ARHGAP22: variants seen among roughly 807,000 people sequenced by gnomAD.
ARHGAP22 encodes the protein Rho GTPase activating protein 22.
In ARHGAP22, 48 loss-of-function variants were observed where a neutral mutation model predicts 59.1. That is an observed-to-expected ratio of 0.81 (90% confidence interval 0.64 to 1.03). ARHGAP22 has a LOEUF of 1.03. Ranked by LOEUF, ARHGAP22 falls within the 50% of genes least tolerant of loss-of-function variation. ARHGAP22 has a pLI of 0.00. For missense variants in ARHGAP22, 1,015 were observed against 958.7 expected (o/e 1.06, Z -0.78); for synonymous variants, 445 against 416.4 (o/e 1.07, Z -0.84).
At chr10:48,582,404 T>A (rs2059171925) in intron 2 of ARHGAP22, among the ~76,000 whole-genome samples, 1 of 152,214 alleles carries the variant, frequency 6.6e-6, no homozygotes, top group East Asian at 1.9e-4. Flanking sequence ...GTGACGAGGC[T>A]ATACTGTGAT....
chr10:48,449,622 C>T (rs748016972), intron 9 of ARHGAP22, among the ~76,000 whole-genome samples: 1 of 152,232 alleles, frequency 6.6e-6, no homozygotes, highest in Non-Finnish European at 1.5e-5. Flanking sequence ...CTGAGGGAAA[C>T]GCCCTGCGCT....
intron 1 of ARHGAP22, among the ~76,000 whole-genome samples, chr10:48,593,454 A>G (rs2059887078): frequency 6.6e-6 from 1 of 152,216 alleles, no homozygotes; most frequent in Non-Finnish European, 1.5e-5. Flanking sequence ...TCCTATACAT[A>G]CATATCTATG....
At chr10:48,578,380 T>C (rs1442425233) in intron 2 of ARHGAP22, among the ~76,000 whole-genome samples, 1 of 152,182 alleles carries the variant, frequency 6.6e-6, no homozygotes, top group East Asian at 1.9e-4. Flanking sequence ...GTTGTGCTTG[T>C]GCCTTTAAAA....
At chr10:48,501,524 C>A (rs2051523175) in intron 3 of ARHGAP22, among the ~76,000 whole-genome samples, 1 of 152,134 alleles carries the variant, frequency 6.6e-6, no homozygotes. Flanking sequence ...AGTGGGCAGA[C>A]CTTCGAGCTG....
At chr10:48,550,363 A>G (rs145733087) in intron 3 of ARHGAP22, among the ~76,000 whole-genome samples, 1 of 152,338 alleles carries the variant, frequency 6.6e-6, no homozygotes, top group Admixed American at 6.5e-5. Flanking sequence ...CTCCAAGGTA[A>G]CAGATCATTA....
upstream of ARHGAP22, among the ~76,000 whole-genome samples, chr10:48,654,917 C>G (rs549025638): frequency 3.5e-5 from 5 of 142,636 alleles, no homozygotes; most frequent in East Asian, 8.3e-4. Context: ...CTCCCTTTCT[C>G]CCTTTCTCTC....
chr10:48,450,714 C>T lies in ARHGAP22; in HGVS notation c.1415G>A (p.Arg472His). The part of the protein sequence containing the change: ...MNGLSSLRGH[R>H]RASSGDRLKD... ...GAGCCGGTCTCCCGACGAGGCCCGG[C>T]GGTGTCCGCGCAGGGAGGACAGCCC... The change falls in exon 9 of 10, where the codon CGC (arginine) becomes CAC (histidine). Residue 472 changes from arginine to histidine, a missense_variant. Coordinates refer to ENST00000249601, the MANE Select transcript of ARHGAP22 (RefSeq NM_021226.4). 6.4e-7 allele frequency: 1 copy of T among 1,553,546 alleles called. No homozygotes were observed. The highest frequency in any genetic ancestry group is 8.7e-7 in the Non-Finnish European group (1 of 1,148,858).
intron 3 of ARHGAP22, among the ~76,000 whole-genome samples, chr10:48,483,635 G>C (rs1449648766): frequency 6.6e-6 from 1 of 151,774 alleles, no homozygotes; most frequent in Non-Finnish European, 1.5e-5. Flanking sequence ...TTGTGGTTTT[G>C]ACTTGCATTT....
intron 1 of ARHGAP22, among the ~76,000 whole-genome samples, chr10:48,625,813 A>G (rs1342844902): frequency 6.6e-6 from 1 of 151,980 alleles, no homozygotes; most frequent in Admixed American, 6.6e-5. Flanking sequence ...CTCAGCTTCC[A>G]TGCTTCCAGG....
chr10:48,589,929 C>T (rs1404707875), intron 1 of ARHGAP22, among the ~76,000 whole-genome samples: 2 of 152,176 alleles, frequency 1.3e-5, no homozygotes, highest in African/African-American at 2.4e-5. Flanking sequence ...GCCTGGCAAT[C>T]GCTACCCTTC....
At chr10:48,460,299 CA>C (rs1298001240) in intron 4 of ARHGAP22, among the ~76,000 whole-genome samples, 1 of 152,228 alleles carries the variant, frequency 6.6e-6, no homozygotes, top group African/African-American at 2.4e-5. Context: ...TACCATGGAA[CA>C]CAGTGCAGCA....
intron 2 of ARHGAP22, among the ~76,000 whole-genome samples, chr10:48,558,305 A>G (rs1380552586): frequency 2.0e-5 from 3 of 151,978 alleles, no homozygotes; most frequent in African/African-American, 4.8e-5. Flanking sequence ...TGTTTTTACT[A>G]TAACTTATTT....
At chr10:48,501,756 A>G (rs1322909570) in intron 3 of ARHGAP22, among the ~76,000 whole-genome samples, 7 of 151,942 alleles carry the variant, frequency 4.6e-5, no homozygotes, top group African/African-American at 1.7e-4. Context: ...AAAAAAAAGA[A>G]GGTGGTGAAA....
chr10:48,487,933 G>A (rs976591537), intron 3 of ARHGAP22, among the ~76,000 whole-genome samples: 2 of 152,134 alleles, frequency 1.3e-5, no homozygotes, highest in East Asian at 1.9e-4. Context: ...AGCCAGGCAC[G>A]GCATGACCAA....
chr10:48,500,741 A>C (rs1045247719), intron 3 of ARHGAP22, among the ~76,000 whole-genome samples: 2 of 151,954 alleles, frequency 1.3e-5, no homozygotes, highest in Non-Finnish European at 2.9e-5. Context: ...AAATACAAAA[A>C]TTAGCTGGGC....
upstream of ARHGAP22, among the ~76,000 whole-genome samples, chr10:48,608,315 A>C (rs1390260361): frequency 6.6e-6 from 1 of 152,180 alleles, no homozygotes; most frequent in Non-Finnish European, 1.5e-5. Flanking sequence ...TGCACTGCTC[A>C]AAGGTGTCCA....
intron 4 of ARHGAP22, among the ~76,000 whole-genome samples, chr10:48,472,122 G>T (rs932957663): frequency 6.6e-6 from 1 of 151,968 alleles, no homozygotes; most frequent in African/African-American, 2.4e-5. Context: ...CAGGAGAATC[G>T]CTTGAACCCG....
At chr10:48,448,438 C>T (rs1450683240) in intron 9 of ARHGAP22, among the ~76,000 whole-genome samples, 3 of 152,232 alleles carry the variant, frequency 2.0e-5, no homozygotes, top group Non-Finnish European at 2.9e-5. Context: ...AGATTTTGAT[C>T]AGTTTTCACC....
At chr10:48,629,126 C>T (rs1284508981) in intron 1 of ARHGAP22, among the ~76,000 whole-genome samples, 2 of 152,224 alleles carry the variant, frequency 1.3e-5, no homozygotes, top group African/African-American at 2.4e-5. Context: ...GCCTTTGCCT[C>T]CACTGGGAAT....
Sources: allele counts gnomAD v4.1 joint callset (sites outside exome capture counted in the v4.1 genomes callset), GRCh38; gene constraint gnomAD v4.1.1; transcripts MANE v1.5; gene names NCBI Gene and HGNC (gene_info 2026-07-23, HGNC 2026-07-21).